PHF8: variants seen among roughly 807,000 people sequenced by gnomAD.
PHF8 encodes histone lysine demethylase PHF8.
Under a neutral mutation model 74.4 loss-of-function variants are expected in PHF8, and 9 were observed. The observed-to-expected ratio is 0.12, with a 90% CI of 0.07 to 0.21. The LOEUF (loss-of-function observed/expected upper bound fraction) is 0.21. Ranked by LOEUF, PHF8 falls within the 10% of genes least tolerant of loss-of-function variation. The pLI is 1.00. For missense variants in PHF8, 478 were observed against 816.6 expected (o/e 0.59, Z 5.05); for synonymous variants, 311 against 316.6 (o/e 0.98, Z 0.19).
intron 2 of PHF8, among the ~76,000 whole-genome samples, chrX:54,035,214 G>A (rs935774935): frequency 2.8e-5 from 3 of 107,317 alleles, no homozygotes; most frequent in Non-Finnish European, 3.8e-5. Context: ...AAAATTAGCC[G>A]GCTATGGTGG....
chrX:53,998,793 A>G (rs1191457906), intron 11 of PHF8, among the ~76,000 whole-genome samples: 1 of 111,479 alleles, frequency 9.0e-6, no homozygotes, highest in African/African-American at 3.3e-5. Flanking sequence ...ATAAATGGAC[A>G]TTTGTACATT....
chrX:54,010,531 T>C (rs782781618), intron 8 of PHF8, among the ~76,000 whole-genome samples: 118 of 111,694 alleles, frequency 1.1e-3, no homozygotes, highest in Non-Finnish European at 1.7e-3. Flanking sequence ...CACTAGAGAA[T>C]TCTACTATAC....
chrX:53,966,357 G>C (rs1020199299), intron 18 of PHF8, among the ~76,000 whole-genome samples: 2 of 112,184 alleles, frequency 1.8e-5, no homozygotes, highest in African/African-American at 6.5e-5. Context: ...TCAGCCTGCC[G>C]AGTGCCTGCG....
At chrX:53,989,203 C>T (rs1004515480) in intron 14 of PHF8, among the ~76,000 whole-genome samples, 2 of 110,781 alleles carry the variant, frequency 1.8e-5, no homozygotes, top group Admixed American at 1.9e-4. Flanking sequence ...ACAAGTGATC[C>T]GCCCACCCTG....
chrX:53,996,715 T>A (rs929319771), intron 11 of PHF8, among the ~76,000 whole-genome samples: 2 of 110,087 alleles, frequency 1.8e-5, no homozygotes, highest in African/African-American at 3.3e-5. Flanking sequence ...CCCGGCTAAT[T>A]TTTGTAATTT....
intron 8 of PHF8, 61 bp from the exon 9 acceptor site, chrX:54,002,743 C>A: frequency 1.3e-6 from 1 of 760,189 alleles, no homozygotes. Context: ...TGATTATCTC[C>A]ACTACCTACT....
Position 54,011,301 on chromosome X carries a change from T to G in PHF8, c.784-17A>C. The stretch of plus-strand genomic sequence containing the variant: ...CTTTTCACCCTGAAACAAAAAGAGG[T>G]TGAAGTGACAAAAATACCAAGGGTT... On this transcript the variant is annotated splice_polypyrimidine_tract_variant and intron_variant, in intron 7 of 21. Coordinates refer to ENST00000338154, the MANE Select transcript of PHF8 (RefSeq NM_015107.3). 1 of 1,196,066 alleles carries G rather than the reference T, an allele frequency of 8.4e-7. No individual in the cohort carries two copies. Among genetic ancestry groups the G allele is most frequent in the South Asian group, 1.8e-5 (1 of 56,537 alleles).
chrX:54,037,258 G>A lies in PHF8; in HGVS notation c.98+5373C>T, dbSNP rs375281344. ...AATTTTTTTTGTTTGTTTGTTTTCG[G>A]TTTTTTTGAGACAGGGTCTCGCTCT... On this transcript the variant is annotated intron_variant, in intron 2 of 21. Coordinates refer to ENST00000338154, the MANE Select transcript of PHF8 (RefSeq NM_015107.3). Among the ~76,000 whole-genome samples, 8 of 111,320 alleles carry A rather than the reference G, an allele frequency of 7.2e-5. No individual in the cohort carries two copies. In the East Asian group the frequency reaches 2.3e-3, roughly 32 times the overall value.
chrX:53,993,915 T>G lies in PHF8; in HGVS notation c.1324-12A>C. The G allele has an allele frequency of 8.6e-7, 1 of 1,162,411 alleles. No homozygotes were observed. The highest frequency in any genetic ancestry group is 1.2e-6 in the Non-Finnish European group (1 of 853,358). ...TGTTGGAAGATGTCCTACAAGAGTG[T>G]TAGTACATGAGGGGGTTAGAGCTTA... is the stretch of plus-strand genomic sequence containing the variant. On this transcript the variant is annotated splice_polypyrimidine_tract_variant and intron_variant, in intron 12 of 21. Transcript: ENST00000338154.
At chrX:54,011,369 C>T (rs1276834766) in intron 7 of PHF8, 85 bp from the exon 8 acceptor site, 3 of 763,353 alleles carry the variant, frequency 3.9e-6, no homozygotes, top group Admixed American at 4.6e-5. Flanking sequence ...GGTATTTCTC[C>T]CATGCTCCAA....
chrX:53,992,685 A>C, intron 14 of PHF8, 51 bp downstream of exon 14: 1 of 736,643 alleles, frequency 1.4e-6, no homozygotes, highest in Non-Finnish European at 2.1e-6. Flanking sequence ...TCTCAGTGGC[A>C]TATTACCACT....
At chrX:54,004,109 G>A (rs1557104785) in intron 8 of PHF8, among the ~76,000 whole-genome samples, 2 of 111,965 alleles carry the variant, frequency 1.8e-5, no homozygotes, top group African/African-American at 6.5e-5. Context: ...CTCAATGCTT[G>A]TGGCCCTAAG....
intron 2 of PHF8, among the ~76,000 whole-genome samples, chrX:54,030,071 TGC>T (rs1557112233): frequency 4.8e-4 from 53 of 110,981 alleles, no homozygotes; most frequent in Non-Finnish European, 8.5e-4. Flanking sequence ...TTTTCCCTGC[TGC>T]TGTGGCACCC....
intron 18 of PHF8, among the ~76,000 whole-genome samples, chrX:53,968,865 C>T (rs1007900626): frequency 2.7e-5 from 3 of 111,204 alleles, no homozygotes; most frequent in African/African-American, 9.8e-5. Context: ...GCCAAGATTG[C>T]GCCACTGCAC....
chrX:53,966,961 G>A (rs1404708640), intron 18 of PHF8, among the ~76,000 whole-genome samples: 8 of 109,205 alleles, frequency 7.3e-5, no homozygotes, highest in African/African-American at 1.0e-4. Flanking sequence ...CTGCCCAGCC[G>A]CCCCATCTGG....
chrX:54,024,564 T>C (rs1283177014), intron 2 of PHF8, among the ~76,000 whole-genome samples: 2 of 111,718 alleles, frequency 1.8e-5, no homozygotes, highest in African/African-American at 6.5e-5. Flanking sequence ...GTAAACAAAC[T>C]GCTCAACATT....
rs1171361850 is a variant in PHF8, at chrX:54,031,584, CA to C, written c.99-8742del. 9.2e-3 allele frequency among the ~76,000 whole-genome samples: 867 copies of C among 94,334 alleles called. 4 individuals are homozygous for C. Among genetic ancestry groups the C allele is most frequent in the Non-Finnish European group, 0.013 (616 of 46,678 alleles). 81.9% of individuals were successfully genotyped at this position (94,334 alleles called of 115,157 possible). A position where few individuals can be genotyped will look rare whatever the true frequency, so the allele number is the denominator to read the frequency against. On this transcript the variant is annotated intron_variant, in intron 2 of 21. Coordinates refer to ENST00000338154, the MANE Select transcript of PHF8 (RefSeq NM_015107.3). The stretch of plus-strand genomic sequence containing the variant: ...GCACACAGACAGACTGTTCTATCTC[CA>C]AAAAAAAAAAAAACCCAAACAAAAA...
intron 1 of PHF8, among the ~76,000 whole-genome samples, chrX:54,043,352 C>A (rs2066596293): frequency 1.8e-5 from 2 of 110,857 alleles, no homozygotes; most frequent in Non-Finnish European, 3.8e-5. Flanking sequence ...CAAGACTAGG[C>A]GCCCAACTCA....
chrX:54,003,216 T>C (rs1327586098), intron 8 of PHF8, among the ~76,000 whole-genome samples: 1 of 112,203 alleles, frequency 8.9e-6, no homozygotes, highest in African/African-American at 3.2e-5. Context: ...ATGGTAAAAA[T>C]TGATAAATAT....
Sources: gnomAD v4.1 joint callset for allele counts (sites outside exome capture counted in the v4.1 genomes callset) on GRCh38, gnomAD v4.1.1 for gene constraint, MANE v1.5 for transcripts, NCBI Gene and HGNC (gene_info 2026-07-23, HGNC 2026-07-21) for gene names.